The following CDH13 variants were observed in gnomAD, a reference collection of about 807,000 sequenced individuals.
The protein encoded by CDH13 is cadherin 13.
A neutral mutation model predicts 63.8 loss-of-function variants in CDH13; 24 were observed. The observed-to-expected ratio is 0.38, with a 90% CI of 0.27 to 0.53. The LOEUF is 0.53. Among genes scored for constraint, CDH13 ranks in the 20% least tolerant of loss-of-function variants. CDH13 has a pLI of 0.85. For missense variants in CDH13, 1,049 were observed against 903.1 expected, an observed-to-expected ratio of 1.16 and a Z score of -2.07; for synonymous variants, 503 against 355.3, an observed-to-expected ratio of 1.42 and a Z score of -4.67.
At chr16:82,745,660 C>G (rs1337387213) in intron 1 of CDH13, among the ~76,000 whole-genome samples, 1 of 152,132 alleles carries the variant, frequency 6.6e-6, no homozygotes, top group African/African-American at 2.4e-5. Flanking sequence ...CATCGTAGGT[C>G]ATCGTCACCT....
chr16:83,322,854 C>T (rs1341150167), intron 5 of CDH13, among the ~76,000 whole-genome samples: 1 of 152,084 alleles, frequency 6.6e-6, no homozygotes, highest in Non-Finnish European at 1.5e-5. Flanking sequence ...CCAAGGCCGT[C>T]AGGAACTAGA....
At chr16:83,227,497 A>C (rs534929786) in intron 5 of CDH13, among the ~76,000 whole-genome samples, 149 of 152,300 alleles carry the variant, frequency 9.8e-4, no homozygotes, top group African/African-American at 3.2e-3. Context: ...ATCAGGGAAT[A>C]AAGGCAAATG....
chr16:83,486,428 T>C (rs556244042), intron 6 of CDH13, 49 bp from the exon 7 acceptor site: 1 of 1,555,542 alleles, frequency 6.4e-7, no homozygotes, highest in Admixed American at 1.7e-5. Flanking sequence ...CTCTGGCCGT[T>C]GTTGACCCAT....
intron 2 of CDH13, among the ~76,000 whole-genome samples, chr16:82,956,766 A>T (rs1906175609): frequency 1.3e-5 from 2 of 152,208 alleles, no homozygotes; most frequent in African/African-American, 4.8e-5. Flanking sequence ...TTTGCATAAG[A>T]TGAGCTTTGA....
chr16:83,370,125 C>T (rs190367182), intron 6 of CDH13, among the ~76,000 whole-genome samples: 11 of 152,262 alleles, frequency 7.2e-5, no homozygotes, highest in Admixed American at 3.3e-4. Flanking sequence ...CGGTGGCTCA[C>T]GCCTGTAATC....
intron 1 of CDH13, among the ~76,000 whole-genome samples, chr16:82,676,941 T>G (rs1160992332): frequency 6.6e-6 from 1 of 152,214 alleles, no homozygotes; most frequent in Non-Finnish European, 1.5e-5. Context: ...TAGAGTGCAG[T>G]GGCGCAAGCT....
At chr16:83,627,837 A>G (rs1208509505) in intron 8 of CDH13, among the ~76,000 whole-genome samples, 1 of 152,224 alleles carries the variant, frequency 6.6e-6, no homozygotes, top group African/African-American at 2.4e-5. Flanking sequence ...GTATGGCTAC[A>G]CCATAGACAG....
At chr16:83,176,422 AT>A (rs1247373714) in intron 4 of CDH13, among the ~76,000 whole-genome samples, 2 of 147,184 alleles carry the variant, frequency 1.4e-5, no homozygotes, top group Non-Finnish European at 3.0e-5. Flanking sequence ...AGGCAGGAGA[AT>A]TGCTTGAACC....
intron 1 of CDH13, among the ~76,000 whole-genome samples, chr16:82,699,879 G>T (rs2030777993): frequency 6.6e-6 from 1 of 152,188 alleles, no homozygotes; most frequent in Non-Finnish European, 1.5e-5. Flanking sequence ...GTCCACATGG[G>T]TGACACTGAT....
At chr16:82,650,958 G>A (rs201791933) in intron 1 of CDH13, among the ~76,000 whole-genome samples, 1 of 152,152 alleles carries the variant, frequency 6.6e-6, no homozygotes, top group Admixed American at 6.5e-5. Context: ...GGGCTAGAAT[G>A]GGTTTTCTCT....
chr16:83,289,710 CG>C (rs1177975821), intron 5 of CDH13, among the ~76,000 whole-genome samples: 1 of 152,014 alleles, frequency 6.6e-6, no homozygotes, highest in African/African-American at 2.4e-5. Context: ...GGCTTGGGTA[CG>C]TGGTTTAGCT....
intron 2 of CDH13, among the ~76,000 whole-genome samples, chr16:82,955,294 T>G (rs1475872324): frequency 6.6e-6 from 1 of 152,226 alleles, no homozygotes; most frequent in Non-Finnish European, 1.5e-5. Context: ...AAAATCAGCA[T>G]CAGGCACTTG....
intron 2 of CDH13, among the ~76,000 whole-genome samples, chr16:82,894,659 A>G (rs1226574908): frequency 6.6e-6 from 1 of 150,898 alleles, no homozygotes; most frequent in Non-Finnish European, 1.5e-5. Flanking sequence ...AGAGAAAAAG[A>G]AAACAATAAT....
At chr16:83,703,861 C>T (rs1282475192) in intron 10 of CDH13, among the ~76,000 whole-genome samples, 1 of 152,178 alleles carries the variant, frequency 6.6e-6, no homozygotes, top group Non-Finnish European at 1.5e-5. Flanking sequence ...TAGGCACGAA[C>T]TCGCAATTAC....
chr16:82,706,745 G>C (rs1370927558), intron 1 of CDH13, among the ~76,000 whole-genome samples: 1 of 151,818 alleles, frequency 6.6e-6, no homozygotes, highest in African/African-American at 2.4e-5. Flanking sequence ...CGGAGGTTGC[G>C]GTGAGCTGAG....
intron 10 of CDH13, among the ~76,000 whole-genome samples, chr16:83,730,249 C>T (rs994766458): frequency 2.0e-5 from 3 of 152,202 alleles, no homozygotes; most frequent in Admixed American, 2.0e-4. Flanking sequence ...CTAAGGCCCT[C>T]TCTCAGATCT....
chr16:83,409,005 G>C (rs1439195890), intron 6 of CDH13, among the ~76,000 whole-genome samples: 5 of 152,170 alleles, frequency 3.3e-5, no homozygotes, highest in Non-Finnish European at 7.3e-5. Context: ...ATCAGAGTGA[G>C]TGAGTGGGTG....
intron 1 of CDH13, among the ~76,000 whole-genome samples, chr16:82,842,748 C>G (rs1192437009): frequency 6.6e-6 from 1 of 152,084 alleles, no homozygotes; most frequent in African/African-American, 2.4e-5. Flanking sequence ...AGTTATACAA[C>G]TCACCAGAGT....
At position 83,334,567 on chromosome 16, in the gene CDH13, A is replaced by T. The variant is rs542187773; in HGVS notation, c.637-10295A>T. ...AAAAAAAAAAAAATACAGAGATGGCAGTCTCTCTACATTGCTCAGGCTGGT... is the reference window on the plus strand; with the variant it reads ...AAAAAAAAAAAAATACAGAGATGGCTGTCTCTCTACATTGCTCAGGCTGGT... On this transcript the variant is annotated intron_variant, in intron 5 of 13. Transcript: ENST00000567109. Among the ~76,000 whole-genome samples the T allele has an allele frequency of 1.5e-4, 23 of 150,932 alleles. No individual in the cohort carries two copies. The South Asian group carries it at 4.2e-3, about 28-fold the overall frequency.
Sources: allele counts gnomAD v4.1 joint callset (sites outside exome capture counted in the v4.1 genomes callset), GRCh38; gene constraint gnomAD v4.1.1; transcripts MANE v1.5; gene names NCBI Gene and HGNC (gene_info 2026-07-23, HGNC 2026-07-21).